ALG13: variants seen among roughly 807,000 people sequenced by gnomAD.
ALG13 encodes the protein UDP-N-acetylglucosamine transferase subunit ALG13.
A neutral mutation model predicts 87.8 loss-of-function variants in ALG13; 11 were observed. That is an observed-to-expected ratio of 0.13 (90% CI 0.08 to 0.21). The LOEUF (loss-of-function observed/expected upper bound fraction) is 0.21. Ranked by LOEUF, ALG13 falls within the 10% of genes least tolerant of loss-of-function variation. The probability of loss-of-function intolerance (pLI) is 1.00; values close to 1 mark genes in which losing one functional copy is unlikely to be tolerated. For synonymous variants in ALG13, 320 were observed against 306.3 expected, an observed-to-expected ratio of 1.04 and a Z score of -0.47; for missense variants, 756 against 866.1, an observed-to-expected ratio of 0.87 and a Z score of 1.60.
Position 111,721,606 on chromosome X carries a change from C to G in ALG13, c.1330C>G (p.Pro444Ala), listed in dbSNP as rs764791916. Residue 444 changes from proline (P) to alanine (A), a missense_variant, in exon 12 of 27, where the codon CCA (proline) becomes GCA (alanine). This residue lies in a region of ALG13 where 3 missense variants were observed against 26.1 expected (regional missense o/e 0.11). Coordinates refer to ENST00000394780, the MANE Select transcript of ALG13 (RefSeq NM_001099922.3). ...AGCATGATTATTTTTGTTTTAGTCT[C>G]CAGAAAATCCATCAAAGATGCCCTT... ...YNKGTEETKS[P>A]ENPSKMPFPY... The G allele has an allele frequency of 8.6e-7, 1 of 1,157,527 alleles. No individual in the cohort carries two copies. The highest frequency in any genetic ancestry group is 1.8e-5 in the African/African-American group (1 of 54,958).
chrX:111,735,772 C>T (rs931226957), intron 22 of ALG13, among the ~76,000 whole-genome samples: 8 of 110,565 alleles, frequency 7.2e-5, no homozygotes, highest in Non-Finnish European at 1.5e-4. Flanking sequence ...TTCAGAGAAC[C>T]AGTGTGGGTA....
chrX:111,738,182 G>C (rs978520265), intron 23 of ALG13, among the ~76,000 whole-genome samples: 2 of 112,243 alleles, frequency 1.8e-5, no homozygotes, highest in Non-Finnish European at 3.8e-5. Flanking sequence ...AAACTCACCT[G>C]AGGTGATAGA....
At position 111,758,675 on chromosome X, in the gene ALG13, A is replaced by G. The variant is rs910791460; in HGVS notation, c.3148+913A>G. On this transcript the variant is annotated intron_variant, in intron 26 of 26. Transcript: ENST00000394780. The stretch of plus-strand genomic sequence containing the variant: ...TAACAGATCTTTCCAAGTGCAAGAT[A>G]AAACAGTGGATTTTAATGTAACAGA... 1.5e-4 allele frequency among the ~76,000 whole-genome samples: 17 copies of G among 112,510 alleles called. 1 individual carries two copies. The South Asian group carries it at 1.8e-3, about 12-fold the overall frequency.
intron 7 of ALG13, 84 bp from the exon 8 acceptor site, chrX:111,713,141 A>T (rs1940064157): frequency 3.3e-6 from 2 of 605,991 alleles, no homozygotes; most frequent in African/African-American, 4.5e-5. Flanking sequence ...TAGGCAACTT[A>T]AAAGCACAAA....
At chrX:111,706,177 C>T (rs1261729316) in intron 3 of ALG13, among the ~76,000 whole-genome samples, 1 of 110,485 alleles carries the variant, frequency 9.1e-6, no homozygotes, top group Non-Finnish European at 1.9e-5. Flanking sequence ...CTACAGGCGC[C>T]CACCACCACG....
intron 5 of ALG13, among the ~76,000 whole-genome samples, chrX:111,710,039 T>A (rs1469413609): frequency 9.1e-6 from 1 of 110,044 alleles, no homozygotes; most frequent in African/African-American, 3.3e-5. Context: ...TTTTTTTTTT[T>A]TCTTACCTTG....
chrX:111,723,498 C>T (rs1369723689), intron 13 of ALG13, among the ~76,000 whole-genome samples: 1 of 110,856 alleles, frequency 9.0e-6, no homozygotes, highest in African/African-American at 3.3e-5. Context: ...GGTCTCATTC[C>T]TGGCCTCAAG....
intron 21 of ALG13, 66 bp from the exon 22 acceptor site, chrX:111,734,985 A>G: frequency 1.3e-6 from 1 of 769,501 alleles, no homozygotes; most frequent in Admixed American, 2.6e-5. Context: ...TAGTTTTAAA[A>G]TATGTTGAAA....
chrX:111,737,564 A>G (rs1943359988), intron 23 of ALG13, among the ~76,000 whole-genome samples: 1 of 112,178 alleles, frequency 8.9e-6, no homozygotes, highest in African/African-American at 3.2e-5. Flanking sequence ...CTAGGTGACA[A>G]GGTATCCCCA....
chrX:111,695,561 C>T (rs1357692200), intron 3 of ALG13, among the ~76,000 whole-genome samples: 1 of 109,307 alleles, frequency 9.1e-6, no homozygotes, highest in Non-Finnish European at 1.9e-5. Flanking sequence ...GTTTGTGTGC[C>T]AGTGTGGTAT....
At chrX:111,745,109 A>G (rs1034087925) in intron 24 of ALG13, among the ~76,000 whole-genome samples, 2 of 111,247 alleles carry the variant, frequency 1.8e-5, no homozygotes, top group African/African-American at 6.5e-5. Flanking sequence ...TGGATGGTTG[A>G]GTTGACGTGT....
chrX:111,700,392 C>T (rs771306210), intron 3 of ALG13, among the ~76,000 whole-genome samples: 79 of 110,339 alleles, frequency 7.2e-4, no homozygotes, highest in Non-Finnish European at 1.2e-3. Context: ...GCTCTGGCTA[C>T]GATTTGTATG....
chrX:111,730,338 G>C (rs1396231824), intron 19 of ALG13, 57 bp from the exon 20 acceptor site: 1 of 1,122,103 alleles, frequency 8.9e-7, no homozygotes, highest in Non-Finnish European at 1.2e-6. Flanking sequence ...ATTTGGCTCT[G>C]CTGAGCTAAA....
chrX:111,729,988 C>T (rs1394750736), intron 19 of ALG13, among the ~76,000 whole-genome samples: 1 of 112,241 alleles, frequency 8.9e-6, no homozygotes, highest in African/African-American at 3.2e-5. Context: ...TACTGTTACT[C>T]CATTTTACAG....
intron 24 of ALG13, among the ~76,000 whole-genome samples, chrX:111,750,271 G>T (rs901358316): frequency 9.0e-6 from 1 of 111,031 alleles, no homozygotes; most frequent in Admixed American, 9.6e-5. Context: ...CTCTAGTTTG[G>T]CCATGGATTT....
chrX:111,709,305 A>T, intron 5 of ALG13, among the ~76,000 whole-genome samples: 1 of 112,372 alleles, frequency 8.9e-6, no homozygotes, highest in East Asian at 2.8e-4. Context: ...CAAGAACTCC[A>T]GACCCTAAAA....
At chrX:111,746,460 G>A (rs1041780614) in intron 24 of ALG13, among the ~76,000 whole-genome samples, 4 of 111,537 alleles carry the variant, frequency 3.6e-5, no homozygotes, top group Non-Finnish European at 7.5e-5. Flanking sequence ...CTTAAACTTG[G>A]CATAATTTTG....
chrX:111,708,275 A>G lies in ALG13; in HGVS notation c.632A>G (p.Tyr211Cys), dbSNP rs1556483387. ...LYKMHKGWKN[Y>C]CSQKSLNEAS... ...AAAATGCATAAAGGATGGAAAAACT[A>G]CTGCAGCCAGAAGTCTTTGAATGAG... is the stretch of plus-strand genomic sequence containing the variant. The change falls in exon 4 of 27, where the codon TAC (tyrosine) becomes TGC (cysteine). Residue 211 changes from tyrosine (Y) to cysteine (C), a missense_variant. Transcript: ENST00000394780. 1.7e-6 allele frequency: 2 copies of G among 1,211,835 alleles called. No homozygotes were observed. Among genetic ancestry groups the G allele is most frequent in the Non-Finnish European group, 2.2e-6 (2 of 895,472 alleles).
chrX:111,720,053 T>G (rs1467277754), intron 10 of ALG13, 42 bp from the exon 11 acceptor site: 4 of 985,265 alleles, frequency 4.1e-6, no homozygotes, highest in Non-Finnish European at 5.5e-6. Flanking sequence ...AAGTAAATTC[T>G]TCATTTATAA....
Sources: allele counts gnomAD v4.1 joint callset (sites outside exome capture counted in the v4.1 genomes callset), GRCh38; gene constraint gnomAD v4.1.1; regional missense constraint gnomAD v4.1.1; transcripts MANE v1.5; gene names NCBI Gene and HGNC (gene_info 2026-07-23, HGNC 2026-07-21).